Variants in TG observed in about 807,000 individuals in gnomAD.
TG encodes thyroid hormones.
In TG, 270 loss-of-function variants were observed where a neutral mutation model predicts 324.7. The ratio of observed to expected loss-of-function variants is 0.83; its 90% confidence interval spans 0.75 to 0.92. The LOEUF (loss-of-function observed/expected upper bound fraction) is 0.92, where lower values mean the gene tolerates loss of function less well. Among genes scored for constraint, TG ranks in the 40% least tolerant of loss-of-function variants. The probability of loss-of-function intolerance (pLI) is 0.00; values close to 1 mark genes in which losing one functional copy is unlikely to be tolerated. For synonymous variants in TG, 1,401 were observed against 1,327.0 expected, an observed-to-expected ratio of 1.06 and a Z score of -1.21; for missense variants, 3,591 against 3,456.4, an observed-to-expected ratio of 1.04 and a Z score of -0.98.
chr8:133,029,895 C>T lies in TG; in HGVS notation c.7111C>T (p.Arg2371Ter), dbSNP rs1410846026. ...TCTGACCTGGGTGCAGACCCACATCCGAGGATTTGGCGGGGACCCTCGGCG... is the reference window on the plus strand; with the variant it reads ...TCTGACCTGGGTGCAGACCCACATCTGAGGATTTGGCGGGGACCCTCGGCG... ...AALTWVQTHI[R>*]GFGGDPRRVS... Residue 2371 changes from arginine (R) to a stop codon, truncating the protein, a stop_gained, in exon 41 of 48, where the codon CGA becomes TGA. Coordinates refer to ENST00000220616, the MANE Select transcript of TG (RefSeq NM_003235.5). LOFTEE classifies it high-confidence loss of function. 1.5e-5 allele frequency: 24 copies of T among 1,614,216 alleles called. No homozygotes were observed. The highest frequency in any genetic ancestry group is 1.9e-5 in the Non-Finnish European group (23 of 1,180,036).
chr8:133,035,452 G>C (rs1302700310), intron 41 of TG, among the ~76,000 whole-genome samples: 2 of 152,100 alleles, frequency 1.3e-5, no homozygotes, highest in Non-Finnish European at 2.9e-5. Flanking sequence ...TTTGTTGGCA[G>C]AAAAGTTATA....
intron 46 of TG, chr8:133,133,264 A>G (rs1254804748): frequency 1.5e-5 from 10 of 645,310 alleles, no homozygotes. Flanking sequence ...CCTCACCCAG[A>G]AATGGCCTAG....
chr8:132,873,336 T>A (rs1839674775), intron 5 of TG, 115 bp downstream of exon 5: 15 of 1,390,888 alleles, frequency 1.1e-5, no homozygotes, highest in Non-Finnish European at 1.3e-5. Flanking sequence ...AATTAAGAGC[T>A]GCCTCATTCT....
At chr8:133,021,184 C>G (rs1444632693) in intron 39 of TG, among the ~76,000 whole-genome samples, 1 of 152,186 alleles carries the variant, frequency 6.6e-6, no homozygotes, top group East Asian at 1.9e-4. Flanking sequence ...AAGAATCTGC[C>G]AACTTCACAG....
At chr8:133,127,043 C>A (rs1353226997) in intron 45 of TG, among the ~76,000 whole-genome samples, 1 of 152,198 alleles carries the variant, frequency 6.6e-6, no homozygotes, top group East Asian at 1.9e-4. Flanking sequence ...GAATGCCCAT[C>A]TGTGCTGTGC....
At chr8:132,878,786 T>A (rs1020015639) in intron 5 of TG, among the ~76,000 whole-genome samples, 5 of 152,118 alleles carry the variant, frequency 3.3e-5, no homozygotes, top group African/African-American at 1.2e-4. Context: ...GTTGGAGGCA[T>A]GCAAACGACC....
intron 2 of TG, 23 bp from the exon 3 acceptor site, chr8:132,869,706 C>T: frequency 1.2e-6 from 2 of 1,611,628 alleles, no homozygotes; most frequent in Non-Finnish European, 8.5e-7. Flanking sequence ...CCCAGGGTCA[C>T]CTGGTCTGTG....
chr8:133,067,730 C>T (rs1053688547), intron 41 of TG, among the ~76,000 whole-genome samples: 6 of 151,484 alleles, frequency 4.0e-5, no homozygotes, highest in African/African-American at 9.7e-5. Flanking sequence ...AAGCTGAGAT[C>T]GCACCGCTGC....
chr8:133,075,361 T>G (rs1179387832), intron 41 of TG, among the ~76,000 whole-genome samples: 1 of 152,194 alleles, frequency 6.6e-6, no homozygotes, highest in South Asian at 2.1e-4. Context: ...TGCAGCTTCC[T>G]TCTGTTACTG....
At chr8:133,058,315 G>A (rs1369342571) in intron 41 of TG, among the ~76,000 whole-genome samples, 2 of 152,292 alleles carry the variant, frequency 1.3e-5, no homozygotes, top group East Asian at 1.9e-4. Flanking sequence ...GTATGACCAG[G>A]GGAATTCTCT....
rs1491304237 is a variant in TG, at chr8:133,067,916, A to AAGGAAGG, written c.7240-27127_7240-27126insGGAAGGA. Reference sequence around the variant, plus strand: ...TATGGAAGGAAGGAAGGAAGGAAGGAAAGAGAGAGAGAGAGAAAGAAAGAA... The same window carrying AAGGAAGG: ...TATGGAAGGAAGGAAGGAAGGAAGGAAGGAAGGAAGAGAGAGAGAGAGAAAGAAAGAA... On this transcript the variant is annotated intron_variant, in intron 41 of 47. Transcript: ENST00000220616. Among the ~76,000 whole-genome samples, 94 of 91,926 alleles carry AAGGAAGG rather than the reference A, an allele frequency of 1.0e-3. 1 individual carries two copies. The highest frequency in any genetic ancestry group is 3.7e-3 in the African/African-American group (90 of 24,542). The allele number at this position is 91,926 out of a possible 152,430, so 60.3% of individuals were successfully genotyped here. A position where few individuals can be genotyped will look rare whatever the true frequency, so the allele number is the denominator to read the frequency against.
intron 36 of TG, 25 bp downstream of exon 36, chr8:133,012,060 G>A (rs752146197): frequency 4.3e-6 from 7 of 1,613,976 alleles, no homozygotes; most frequent in South Asian, 2.2e-5. Context: ...CAACCCACAG[G>A]TTGGGTGGGA....
chr8:133,005,479 C>T (rs1368708353), intron 35 of TG, among the ~76,000 whole-genome samples: 1 of 152,126 alleles, frequency 6.6e-6, no homozygotes, highest in African/African-American at 2.4e-5. Context: ...GTAGCTTGAC[C>T]CAGAGACGGT....
At chr8:132,905,805 T>G (rs1404743335) in intron 16 of TG, among the ~76,000 whole-genome samples, 1 of 152,058 alleles carries the variant, frequency 6.6e-6, no homozygotes, top group Non-Finnish European at 1.5e-5. Context: ...AAAGAAGACC[T>G]AAGTCTGCCT....
intron 41 of TG, among the ~76,000 whole-genome samples, chr8:133,077,072 G>C (rs9649970): frequency 0.4 from 61,441 of 151,954 alleles, 12,788 homozygotes; most frequent in Non-Finnish European, 0.46. Flanking sequence ...GGCCAGTCGT[G>C]GGGTGGATGG....
At chr8:132,902,972 T>A (rs1818138232) in intron 16 of TG, among the ~76,000 whole-genome samples, 1 of 152,160 alleles carries the variant, frequency 6.6e-6, no homozygotes, top group Admixed American at 6.5e-5. Context: ...CTCCCCATTT[T>A]TCAGATGACA....
intron 45 of TG, among the ~76,000 whole-genome samples, chr8:133,123,665 G>A (rs999273856): frequency 3.9e-5 from 6 of 152,152 alleles, no homozygotes; most frequent in African/African-American, 1.4e-4. Context: ...CCCCATCTGT[G>A]TCCTCTGCTG....
At chr8:132,871,294 G>T in intron 3 of TG, 54 bp from the exon 4 acceptor site, 1 of 1,587,752 alleles carries the variant, frequency 6.3e-7, no homozygotes, top group Non-Finnish European at 8.6e-7. Context: ...CCTGGGCTCT[G>T]CCCCCTGGAA....
At chr8:132,947,701 G>A (rs753419431) in intron 26 of TG, among the ~76,000 whole-genome samples, 27 of 151,858 alleles carry the variant, frequency 1.8e-4, no homozygotes, top group Non-Finnish European at 3.1e-4. Flanking sequence ...TATCCAAATG[G>A]CATAGATATA....
Sources: allele counts gnomAD v4.1 joint callset (sites outside exome capture counted in the v4.1 genomes callset), GRCh38; gene constraint gnomAD v4.1.1; transcripts MANE v1.5; gene names NCBI Gene and HGNC (gene_info 2026-07-23, HGNC 2026-07-21).